ZNF609: variants seen among roughly 807,000 people sequenced by gnomAD.
ZNF609 encodes zinc finger protein 609.
In ZNF609, 11 loss-of-function variants were observed where a neutral mutation model predicts 109.5. The observed-to-expected ratio is 0.10, with a 90% CI of 0.06 to 0.17. The LOEUF (loss-of-function observed/expected upper bound fraction) is 0.17, where lower values mean the gene tolerates loss of function less well. Ranked by LOEUF, ZNF609 falls within the 10% of genes least tolerant of loss-of-function variation. The pLI, the probability that ZNF609 is intolerant of heterozygous loss-of-function variation, is 1.00. For missense variants in ZNF609, 1,559 were observed against 1,772.4 expected, an observed-to-expected ratio of 0.88 and a Z score of 2.16; for synonymous variants, 646 against 662.0, an observed-to-expected ratio of 0.98 and a Z score of 0.37.
chr15:64,467,186 T>C (rs1893027372), intron 1 of ZNF609, among the ~76,000 whole-genome samples: 1 of 152,148 alleles, frequency 6.6e-6, no homozygotes, highest in Non-Finnish European at 1.5e-5. Flanking sequence ...CTGTGAGAAA[T>C]TTTTCCTTCT....
Position 64,566,662 on chromosome 15 carries a change from T to C in ZNF609, c.748-56165T>C, listed in dbSNP as rs544655606. Reference sequence around the variant, plus strand: ...TTAAGTGTAGTAAAGGAAACAGATATAGAAGAGATAGGGAAAGGTTTAGAG... The same window carrying C: ...TTAAGTGTAGTAAAGGAAACAGATACAGAAGAGATAGGGAAAGGTTTAGAG... On this transcript the variant is annotated intron_variant, in intron 2 of 9. Coordinates refer to ENST00000326648, the MANE Select transcript of ZNF609 (RefSeq NM_015042.2). 3.9e-5 allele frequency among the ~76,000 whole-genome samples: 6 copies of C among 152,328 alleles called. No homozygotes were observed. In the East Asian group the frequency reaches 7.7e-4, roughly 20 times the overall value.
At chr15:64,500,297 C>A in intron 2 of ZNF609, 131 bp downstream of exon 2, 1 of 1,227,868 alleles carries the variant, frequency 8.1e-7, no homozygotes, top group Non-Finnish European at 1.2e-6. Flanking sequence ...AAGGTCAGAG[C>A]AGCTGGTAAT....
At chr15:64,595,136 G>A (rs1158969913) in intron 2 of ZNF609, among the ~76,000 whole-genome samples, 1 of 151,254 alleles carries the variant, frequency 6.6e-6, no homozygotes, top group Non-Finnish European at 1.5e-5. Flanking sequence ...AAGACAGGTG[G>A]ATCACCTGAG....
intron 3 of ZNF609, among the ~76,000 whole-genome samples, chr15:64,655,654 T>C (rs1595754154): frequency 6.6e-6 from 1 of 151,396 alleles, no homozygotes; most frequent in Non-Finnish European, 1.5e-5. Context: ...TGGTGAAACC[T>C]CATCTCTACT....
chr15:64,601,431 G>A lies in ZNF609; in HGVS notation c.748-21396G>A, dbSNP rs75388156. On this transcript the variant is annotated intron_variant, in intron 2 of 9. Coordinates refer to ENST00000326648, the MANE Select transcript of ZNF609 (RefSeq NM_015042.2). ...TTGAGGAAGGTAATAGAGCTAATGA[G>A]GGTAGAACTAAGACTCATACCTAAG... Among the ~76,000 whole-genome samples the A allele has an allele frequency of 7.8e-3, 1,192 of 152,224 alleles. 22 individuals are homozygous for A. The highest frequency in any genetic ancestry group is 0.028 in the African/African-American group (1,144 of 41,540).
chr15:64,572,580 A>G (rs1373650267), intron 2 of ZNF609, among the ~76,000 whole-genome samples: 1 of 152,162 alleles, frequency 6.6e-6, no homozygotes, highest in Admixed American at 6.5e-5. Context: ...CCCTTAGCCC[A>G]TGGGACTTTT....
In ZNF609 at chr15:64,631,533, TTTTC is replaced by T. The variant is rs1896078193; in HGVS notation, c.973+8489_973+8492del. On this transcript the variant is annotated intron_variant, in intron 3 of 9. Transcript: ENST00000326648. ...GCCAAAGAAACAACTTCATATTTTC[TTTTC>T]TTTCTTTTTTTTTAGACGGAGTTTC... The T allele has an allele frequency of 6.5e-6, 4 of 616,208 alleles. No homozygotes were observed. The Admixed American group carries it at 8.5e-5, about 13-fold the overall frequency. The allele number at this position is 616,208 out of a possible 1,614,324, so 38.2% of individuals were successfully genotyped here.
intron 2 of ZNF609, among the ~76,000 whole-genome samples, chr15:64,505,841 T>C (rs1225952155): frequency 6.6e-6 from 1 of 152,084 alleles, no homozygotes; most frequent in Non-Finnish European, 1.5e-5. Flanking sequence ...TCAACTCTTA[T>C]GTATAATTTA....
intron 2 of ZNF609, among the ~76,000 whole-genome samples, chr15:64,564,354 C>T (rs1567015630): frequency 6.6e-6 from 1 of 151,924 alleles, no homozygotes; most frequent in South Asian, 2.1e-4. Context: ...GCTGTTGTGG[C>T]CAGAGAAGCT....
chr15:64,607,018 C>G (rs1895613237), intron 2 of ZNF609, among the ~76,000 whole-genome samples: 2 of 152,086 alleles, frequency 1.3e-5, no homozygotes, highest in Admixed American at 1.3e-4. Context: ...GTGGCACATG[C>G]CTGTAATCCC....
intron 2 of ZNF609, among the ~76,000 whole-genome samples, chr15:64,604,806 A>AATTTATTT (rs1208033736): frequency 0.01 from 1,579 of 151,954 alleles, 24 homozygotes; most frequent in African/African-American, 0.037. Flanking sequence ...TATTTAATTT[A>AATTTATTT]ATTTATTTAG....
chr15:64,553,810 GGAAGGTCTC>G (rs977963062), intron 2 of ZNF609, among the ~76,000 whole-genome samples: 3 of 152,006 alleles, frequency 2.0e-5, no homozygotes, highest in Non-Finnish European at 4.4e-5. Context: ...ATGTTGGCCA[GGAAGGTCTC>G]GATCTCCTGA....
chr15:64,550,836 C>CG (rs978610026), intron 2 of ZNF609, among the ~76,000 whole-genome samples: 5 of 92,828 alleles, frequency 5.4e-5, no homozygotes, highest in South Asian at 4.9e-4. Flanking sequence ...GACTCTGTCT[C>CG]GGGAAAAAAA....
rs1369795488 is a variant in ZNF609 at position 64,678,608 on chromosome 15, T to C, written c.3769+126T>C. ...GGCTCGCTTAGATGACGGACCTTTTTTCACTGAGTCATTCTGTGAGGTGGC... is the reference window on the plus strand; with the variant it reads ...GGCTCGCTTAGATGACGGACCTTTTCTCACTGAGTCATTCTGTGAGGTGGC... On this transcript the variant is annotated intron_variant, in intron 6 of 9. Coordinates refer to ENST00000326648, the MANE Select transcript of ZNF609 (RefSeq NM_015042.2). The C allele has an allele frequency of 2.2e-6, 3 of 1,342,828 alleles. No individual in the cohort carries two copies. The South Asian group carries it at 4.5e-5, about 20-fold the overall frequency. 83.2% of individuals were successfully genotyped at this position (1,342,828 alleles called of 1,614,324 possible).
chr15:64,595,316 A>C (rs778424749), intron 2 of ZNF609, among the ~76,000 whole-genome samples: 5 of 150,496 alleles, frequency 3.3e-5, no homozygotes, highest in Non-Finnish European at 7.4e-5. Context: ...AGCTGAGATC[A>C]TGCCACTGCA....
rs59271273 is a variant in ZNF609 at position 64,514,945 on chromosome 15, A to T, written c.747+14779A>T. ...AGCCACTGCGCCCACCCTTTTTTTTAAAATTTTTTAATCCTGCTTTAATTT... is the reference window on the plus strand; with the variant it reads ...AGCCACTGCGCCCACCCTTTTTTTTTAAATTTTTTAATCCTGCTTTAATTT... On this transcript the variant is annotated intron_variant, in intron 2 of 9. Transcript: ENST00000326648. Among the ~76,000 whole-genome samples the T allele has an allele frequency of 2.8e-3, 420 of 152,024 alleles. 3 individuals are homozygous for T. Among genetic ancestry groups the T allele is most frequent in the African/African-American group, 8.6e-3 (355 of 41,494 alleles).
intron 3 of ZNF609, chr15:64,631,785 C>T (rs1011578149): frequency 1.0e-5 from 2 of 191,300 alleles, no homozygotes; most frequent in Non-Finnish European, 1.1e-5. Context: ...TTCAGGTGAT[C>T]CCCCTGCCTT....
At chr15:64,545,081 T>C (rs1022455124) in intron 2 of ZNF609, among the ~76,000 whole-genome samples, 3 of 152,248 alleles carry the variant, frequency 2.0e-5, no homozygotes, top group Admixed American at 6.5e-5. Flanking sequence ...CACTTCTTTC[T>C]TGAAGCCGTT....
chr15:64,644,503 A>G (rs186764954), intron 3 of ZNF609, among the ~76,000 whole-genome samples: 71 of 152,340 alleles, frequency 4.7e-4, no homozygotes, highest in African/African-American at 1.7e-3. Context: ...AAAAACAAAA[A>G]GAAAAATAAT....
Sources: gnomAD v4.1 joint callset for allele counts (sites outside exome capture counted in the v4.1 genomes callset) on GRCh38, gnomAD v4.1.1 for gene constraint, MANE v1.5 for transcripts, NCBI Gene and HGNC (gene_info 2026-07-23, HGNC 2026-07-21) for gene names.